Variants in COL13A1 observed in about 807,000 individuals in gnomAD.
COL13A1 encodes the protein collagen type XIII alpha 1 chain.
COL13A1 carries 89 observed loss-of-function variants against 130.9 expected under a neutral mutation model. That is an observed-to-expected ratio of 0.68 (90% CI 0.57 to 0.81). The LOEUF (loss-of-function observed/expected upper bound fraction) is 0.81. Ranked by LOEUF, COL13A1 falls within the 30% of genes least tolerant of loss-of-function variation. The pLI, the probability that COL13A1 is intolerant of heterozygous loss-of-function variation, is 0.00. For synonymous variants in COL13A1, 402 were observed against 341.6 expected (o/e 1.18, Z -1.95); for missense variants, 879 against 934.6 (o/e 0.94, Z 0.78).
chr10:69,837,913 G>T (rs1045450842), intron 2 of COL13A1, among the ~76,000 whole-genome samples: 3 of 152,214 alleles, frequency 2.0e-5, no homozygotes, highest in Admixed American at 6.5e-5. Flanking sequence ...CAGAGCATTT[G>T]CCCACCTTAA....
At chr10:69,946,433 A>C (rs2136196019) in intron 37 of COL13A1, among the ~76,000 whole-genome samples, 1 of 152,352 alleles carries the variant, frequency 6.6e-6, no homozygotes, top group South Asian at 2.1e-4. Flanking sequence ...CCATCACGGC[A>C]TGCTTTCCCA....
At chr10:69,876,896 G>C (rs1156858410) in intron 5 of COL13A1, among the ~76,000 whole-genome samples, 2 of 152,194 alleles carry the variant, frequency 1.3e-5, no homozygotes, top group Non-Finnish European at 2.9e-5. Flanking sequence ...CACAGGGAAG[G>C]CTGCAAAATG....
intron 7 of COL13A1, among the ~76,000 whole-genome samples, chr10:69,883,893 C>T (rs1036492718): frequency 5.3e-5 from 8 of 152,138 alleles, no homozygotes; most frequent in Admixed American, 4.6e-4. Flanking sequence ...CTTGCAACAA[C>T]CAAGGCCTGG....
At chr10:69,832,862 C>T (rs917919979) in intron 2 of COL13A1, among the ~76,000 whole-genome samples, 2 of 152,194 alleles carry the variant, frequency 1.3e-5, no homozygotes, top group Admixed American at 6.5e-5. Context: ...CAGACAGAGT[C>T]GGGCATCCTC....
At chr10:69,944,296 T>A in intron 36 of COL13A1, 118 bp downstream of exon 36, 1 of 874,744 alleles carries the variant, frequency 1.1e-6, no homozygotes, top group Non-Finnish European at 1.9e-6. Flanking sequence ...CTGGTCATCC[T>A]CACAGCAGCC....
chr10:69,917,509 C>T (rs935834739), intron 18 of COL13A1, among the ~76,000 whole-genome samples, 176 bp downstream of exon 18: 8 of 152,032 alleles, frequency 5.3e-5, no homozygotes, highest in Non-Finnish European at 8.8e-5. Context: ...CTGATGCGGG[C>T]GGCCTCCTCC....
Position 69,875,817 on chromosome 10 carries a change from G to A in COL13A1, c.435+654G>A, listed in dbSNP as rs573444652. On this transcript the variant is annotated intron_variant, in intron 5 of 40. Coordinates refer to ENST00000645393, the MANE Select transcript of COL13A1 (RefSeq NM_001368882.1). ...AGGGCTATAAAGGCAGTAGTCTAAG[G>A]CAGTGATGGCCATGCCCCACCCTCA... Among the ~76,000 whole-genome samples, 21 of 152,346 alleles carry A rather than the reference G, an allele frequency of 1.4e-4. No homozygotes were observed. In the South Asian group the frequency reaches 4.4e-3, roughly 32 times the overall value.
Position 69,945,688 on chromosome 10 carries a change from T to C in COL13A1, c.1986T>C (p.Pro662=). ...CATTTCAGGGCAGCAAAGGAGACCCTGGGATGACAGGACCAACGGGAGCAG... is the reference window on the plus strand; with the variant it reads ...CATTTCAGGGCAGCAAAGGAGACCCCGGGATGACAGGACCAACGGGAGCAG... ...PKGERGSKGD[P]GMTGPTGAAG... is the part of the protein sequence containing the mutation. Residue 662 remains proline, a synonymous_variant, in exon 37 of 41, where the codon CCT becomes CCC. Transcript: ENST00000645393. The C allele has an allele frequency of 6.2e-7, 1 of 1,613,170 alleles. No homozygotes were observed. Among genetic ancestry groups the C allele is most frequent in the Non-Finnish European group, 8.5e-7 (1 of 1,179,594 alleles).
At chr10:69,944,078 C>T in intron 35 of COL13A1, 47 bp from the exon 36 acceptor site, 3 of 1,550,416 alleles carry the variant, frequency 1.9e-6, no homozygotes, top group Non-Finnish European at 2.7e-6. Context: ...ACCCAGGGCT[C>T]CCCAGAGTGT....
At chr10:69,851,288 G>A (rs1854722891) in intron 2 of COL13A1, among the ~76,000 whole-genome samples, 1 of 152,194 alleles carries the variant, frequency 6.6e-6, no homozygotes, top group Non-Finnish European at 1.5e-5. Context: ...ATCAGGAAGG[G>A]AGCTCCCCTT....
chr10:69,898,311 T>C (rs1274745631), intron 13 of COL13A1, among the ~76,000 whole-genome samples: 1 of 152,210 alleles, frequency 6.6e-6, no homozygotes, highest in African/African-American at 2.4e-5. Context: ...CGTTGGGCTG[T>C]GTGTCCAGCA....
At chr10:69,958,073 C>G (rs10999055) in intron 40 of COL13A1, among the ~76,000 whole-genome samples, 1 of 152,010 alleles carries the variant, frequency 6.6e-6, no homozygotes, top group Non-Finnish European at 1.5e-5. Flanking sequence ...GACCACCTAC[C>G]TGCCTGGATA....
At chr10:69,913,147 G>T (rs1224133737) in intron 17 of COL13A1, among the ~76,000 whole-genome samples, 1 of 152,216 alleles carries the variant, frequency 6.6e-6, no homozygotes, top group African/African-American at 2.4e-5. Flanking sequence ...TTGGTTCTTG[G>T]CACTGAGGTT....
intron 13 of COL13A1, among the ~76,000 whole-genome samples, chr10:69,896,936 C>T (rs1156258708): frequency 6.6e-6 from 1 of 152,196 alleles, no homozygotes. Context: ...TATTATGTTA[C>T]CCGAAAGAAA....
chr10:69,945,254 C>T (rs1383649048), intron 36 of COL13A1, among the ~76,000 whole-genome samples: 1 of 152,282 alleles, frequency 6.6e-6, no homozygotes, highest in Admixed American at 6.5e-5. Context: ...AGGGCACAAG[C>T]TTCTCCGTGA....
At chr10:69,806,130 A>C (rs1329184988) in intron 1 of COL13A1, among the ~76,000 whole-genome samples, 1 of 152,258 alleles carries the variant, frequency 6.6e-6, no homozygotes, top group Non-Finnish European at 1.5e-5. Flanking sequence ...AAGGCCATGC[A>C]CAAGACCAGA....
At chr10:69,954,129 C>G (rs917379711) in intron 39 of COL13A1, 1 of 152,770 alleles carries the variant, frequency 6.5e-6, no homozygotes, top group Non-Finnish European at 1.5e-5. Context: ...CCTCCTCCAT[C>G]CCCCCCAGGC....
Position 69,923,955 on chromosome 10 carries a change from G to C in COL13A1, c.1284+100G>C, listed in dbSNP as rs528912629. 25 of 1,482,448 alleles carry C rather than the reference G, an allele frequency of 1.7e-5. No homozygotes were observed. The South Asian group carries it at 1.7e-4, about 10-fold the overall frequency. 91.8% of individuals were successfully genotyped at this position (1,482,448 alleles called of 1,614,324 possible). Reference sequence around the variant, plus strand: ...CTAGGGGTATCCCTCAGGGCACAAGGCTGACCGGCCATGACCACTGGCTTC... The same window carrying C: ...CTAGGGGTATCCCTCAGGGCACAAGCCTGACCGGCCATGACCACTGGCTTC... On this transcript the variant is annotated intron_variant, in intron 24 of 40. Transcript: ENST00000645393.
intron 37 of COL13A1, 131 bp from the exon 38 acceptor site, chr10:69,947,176 G>A (rs1469283923): frequency 1.3e-6 from 1 of 784,992 alleles, no homozygotes; most frequent in African/African-American, 1.7e-5. Context: ...CCCTTTCCGT[G>A]TAGTGGGAAT....
Sources: gnomAD v4.1 joint callset for allele counts (sites outside exome capture counted in the v4.1 genomes callset) on GRCh38, gnomAD v4.1.1 for gene constraint, MANE v1.5 for transcripts, NCBI Gene and HGNC (gene_info 2026-07-23, HGNC 2026-07-21) for gene names.